Variants in DEFB121 observed in about 807,000 individuals in gnomAD.
DEFB121 encodes defensin beta 121.
In DEFB121, 5 loss-of-function variants were observed where a neutral mutation model predicts 2.5. The ratio of observed to expected loss-of-function variants is 1.96; its 90% CI spans 1.03 to 4.13. DEFB121 has a LOEUF of 4.13. Among genes scored for constraint, DEFB121 ranks in the 30% most tolerant of loss-of-function variants. DEFB121 has a pLI of 0.00. For missense variants in DEFB121, 87 were observed against 85.0 expected (o/e 1.02, Z -0.09); for synonymous variants, 39 against 32.6 (o/e 1.20, Z -0.67).
At chr20:31,410,337 C>G (rs1276087871), upstream of DEFB121, among the ~76,000 whole-genome samples, 2 of 152,016 alleles carry the variant, frequency 1.3e-5, no homozygotes, top group Admixed American at 6.6e-5. Flanking sequence ...AAGAGGGGAA[C>G]CATAGACACT....
chr20:31,405,642 G>GAACCTAC (rs1978452726), intron 1 of DEFB121, among the ~76,000 whole-genome samples: 1 of 152,104 alleles, frequency 6.6e-6, no homozygotes. Context: ...CTATTCCAGG[G>GAACCTAC]AACCTACAAC....
intron 1 of DEFB121, 84 bp from the exon 2 acceptor site, chr20:31,405,169 G>A (rs1012712919): frequency 1.3e-5 from 17 of 1,339,842 alleles, no homozygotes; most frequent in East Asian, 2.4e-5. Context: ...AAGCCCAGTA[G>A]AGGAGTAGGA....
At chr20:31,409,361 G>C (rs1388542432), upstream of DEFB121, among the ~76,000 whole-genome samples, 4 of 152,176 alleles carry the variant, frequency 2.6e-5, no homozygotes, top group East Asian at 7.7e-4. Context: ...CCATTAATTA[G>C]TAAACAGATA....
In DEFB121 at chr20:31,404,915, A is replaced by G. The variant is rs749990640; in HGVS notation, c.229T>C (p.Ter77ArgextTer18). 4.6e-5 allele frequency: 74 copies of G among 1,613,750 alleles called. No individual in the cohort carries two copies. Among genetic ancestry groups the G allele is most frequent in the Non-Finnish European group, 5.8e-5 (69 of 1,179,980 alleles). ...NTSLESTSAV[*>R] ...GACTCAAGGTTGGAAGAGAGGTGTC[A>G]GACTGCAGAAGTTGATTCCAGGCTT... The change falls in exon 2 of 2, where the codon TGA becomes CGA. Residue 77 changes from the stop codon to arginine (R), a stop_lost. Transcript: ENST00000376314.
upstream of DEFB121, among the ~76,000 whole-genome samples, chr20:31,409,279 G>A (rs1978589626): frequency 6.6e-6 from 1 of 152,064 alleles, no homozygotes; most frequent in African/African-American, 2.4e-5. Flanking sequence ...GATAAATGAA[G>A]ACATATGTCC....
chr20:31,418,500 A>G, the DEFB121 span, among the ~76,000 whole-genome samples: 1 of 152,176 alleles, frequency 6.6e-6, no homozygotes, highest in African/African-American at 2.4e-5. Context: ...TCACCTTTTC[A>G]TAAGACTCGC....
At chr20:31,406,399 T>A, upstream of DEFB121, 1 of 667,962 alleles carries the variant, frequency 1.5e-6, no homozygotes, top group Non-Finnish European at 2.1e-6. Context: ...CGGCCTTGCC[T>A]CTGAAGAATT....
the DEFB121 span, among the ~76,000 whole-genome samples, chr20:31,418,128 C>T: frequency 1.4e-5 from 2 of 142,816 alleles, no homozygotes; most frequent in African/African-American, 2.6e-5. Context: ...GGCGTAGTGG[C>T]GGGCGCCTGT....
At chr20:31,406,387 T>TA, upstream of DEFB121, 1 of 818,060 alleles carries the variant, frequency 1.2e-6, no homozygotes, top group Non-Finnish European at 1.6e-6. Context: ...AAAGAGAAGA[T>TA]ACGGCCTTGC....
At chr20:31,413,890 A>C (rs775389791), upstream of DEFB121, among the ~76,000 whole-genome samples, 3 of 152,176 alleles carry the variant, frequency 2.0e-5, no homozygotes, top group Non-Finnish European at 4.4e-5. Context: ...GCCACTATGG[A>C]AAACGGTATG....
Position 31,404,863 on chromosome 20 carries a change from T to C in DEFB121, c.*50A>G, listed in dbSNP as rs1318406685. 1.3e-6 allele frequency: 2 copies of C among 1,591,828 alleles called. No individual in the cohort carries two copies. The highest frequency in any genetic ancestry group is 1.7e-6 in the Non-Finnish European group (2 of 1,170,464). On this transcript the variant is annotated 3_prime_UTR_variant, in exon 2 of 2. Coordinates refer to ENST00000376314, the MANE Select transcript of DEFB121 (RefSeq NM_001011878.3). ...CAGGGTGTTGCCAAGAATGATTTAA[T>C]AGAACTGCAGGATCCCATGATGTTG... is the stretch of plus-strand genomic sequence containing the variant.
At chr20:31,416,860 CAA>C (rs1426700064), upstream of DEFB121, among the ~76,000 whole-genome samples, 1 of 152,060 alleles carries the variant, frequency 6.6e-6, no homozygotes, top group Non-Finnish European at 1.5e-5. Flanking sequence ...CTTATTATCC[CAA>C]GTTTCCTCTC....
At chr20:31,414,997 G>A (rs963178847), upstream of DEFB121, among the ~76,000 whole-genome samples, 13 of 152,194 alleles carry the variant, frequency 8.5e-5, no homozygotes, top group African/African-American at 2.9e-4. Flanking sequence ...AGCCTAAAAG[G>A]TGGAGGCTGC....
At chr20:31,407,432 T>C (rs1978518281), upstream of DEFB121, among the ~76,000 whole-genome samples, 1 of 152,188 alleles carries the variant, frequency 6.6e-6, no homozygotes, top group Admixed American at 6.5e-5. Context: ...GTGTGCCGGT[T>C]GTAAGCCTAG....
chr20:31,408,823 C>T (rs778973945), upstream of DEFB121, among the ~76,000 whole-genome samples: 12 of 152,124 alleles, frequency 7.9e-5, no homozygotes, highest in Non-Finnish European at 1.8e-4. Context: ...GCCAGGAATT[C>T]GAGACCAGCC....
upstream of DEFB121, among the ~76,000 whole-genome samples, chr20:31,410,910 C>T (rs940695102): frequency 2.0e-5 from 3 of 151,886 alleles, no homozygotes; most frequent in Non-Finnish European, 2.9e-5. Context: ...CTAGAAGGTA[C>T]TTTCTTTATG....
chr20:31,416,578 A>T (rs748094763), upstream of DEFB121, among the ~76,000 whole-genome samples: 2 of 152,210 alleles, frequency 1.3e-5, no homozygotes, highest in Non-Finnish European at 2.9e-5. Flanking sequence ...TATCAAAAGC[A>T]AGAACACCCT....
upstream of DEFB121, among the ~76,000 whole-genome samples, chr20:31,410,675 T>A (rs1419395009): frequency 1.3e-5 from 2 of 152,172 alleles, no homozygotes; most frequent in African/African-American, 4.8e-5. Flanking sequence ...CCCCGTGGAC[T>A]GGAACCCATT....
chr20:31,417,135 C>G (rs1321929342), upstream of DEFB121, among the ~76,000 whole-genome samples: 1 of 152,144 alleles, frequency 6.6e-6, no homozygotes, highest in African/African-American at 2.4e-5. Flanking sequence ...CACTTGAGGT[C>G]AGGAGTTCAA....
Sources: gnomAD v4.1 joint callset for allele counts (sites outside exome capture counted in the v4.1 genomes callset) on GRCh38, gnomAD v4.1.1 for gene constraint, MANE v1.5 for transcripts, NCBI Gene and HGNC (gene_info 2026-07-23, HGNC 2026-07-21) for gene names.